The following ZSCAN18 variants were observed in gnomAD, a reference collection of about 807,000 sequenced individuals.
ZSCAN18 encodes the protein zinc finger and SCAN domain-containing protein 18.
In ZSCAN18, 16 loss-of-function variants were observed where a neutral mutation model predicts 31.1. The observed-to-expected ratio is 0.51, with a 90% CI of 0.35 to 0.78. The LOEUF (loss-of-function observed/expected upper bound fraction) is 0.78. Among genes scored for constraint, ZSCAN18 ranks in the 30% least tolerant of loss-of-function variants. The pLI is 0.01. For synonymous variants in ZSCAN18, 375 were observed against 320.7 expected (o/e 1.17, Z -1.81); for missense variants, 731 against 697.4 (o/e 1.05, Z -0.54).
chr19:58,095,578 G>A (rs2074504866), intron 1 of ZSCAN18, among the ~76,000 whole-genome samples: 2 of 152,138 alleles, frequency 1.3e-5, no homozygotes, highest in Non-Finnish European at 1.5e-5. Flanking sequence ...CTCTCCTCCT[G>A]CTCCAACTTC....
upstream of ZSCAN18, among the ~76,000 whole-genome samples, chr19:58,101,916 T>G (rs1053357360): frequency 1.7e-4 from 26 of 152,012 alleles, no homozygotes; most frequent in African/African-American, 6.3e-4. Flanking sequence ...TAATTTCACA[T>G]AACTTTTTTC....
rs796174952 is a variant in ZSCAN18 at position 58,089,172 on chromosome 19, G to A, written c.404-335C>T. 6.7e-5 allele frequency among the ~76,000 whole-genome samples: 10 copies of A among 149,086 alleles called. No homozygotes were observed. In the South Asian group the frequency reaches 1.5e-3, roughly 22 times the overall value. On this transcript the variant is annotated intron_variant, in intron 2 of 6. Coordinates refer to ENST00000601144, the MANE Select transcript of ZSCAN18 (RefSeq NM_001145543.2). ...CAAAAAATTAGCCGGGCGTAGTGGC[G>A]GGCGCCTGTAGTCCCAGCTACTTGG...
intron 5 of ZSCAN18, chr19:58,086,705 G>A: frequency 1.8e-6 from 1 of 562,072 alleles, no homozygotes; most frequent in East Asian, 3.0e-5. Context: ...CCTACAGGCA[G>A]GGCCTGGGCA....
At chr19:58,117,812 G>A (rs2074743835) in intron 1 of ZSCAN18, among the ~76,000 whole-genome samples, 1 of 151,972 alleles carries the variant, frequency 6.6e-6, no homozygotes, top group South Asian at 2.1e-4. Flanking sequence ...TAGAGGAAGA[G>A]AAATGAGCCC....
At position 58,084,993 on chromosome 19, in the gene ZSCAN18, G is replaced by C. The variant is rs1289497381; in HGVS notation, c.1225C>G (p.Arg409Gly). The C allele has an allele frequency of 6.3e-7, 1 of 1,595,858 alleles. No homozygotes were observed. Among genetic ancestry groups the C allele is most frequent in the Admixed American group, 1.7e-5 (1 of 57,732 alleles). Residue 409 changes from arginine to glycine, a missense_variant, in exon 7 of 7, where the codon CGC becomes GGC. Transcript: ENST00000601144. This position sits in a 1 kb window ranked among gnomAD's most constrained non-coding sequence, Gnocchi z 4.5. The part of the protein sequence containing the change: ...GPGADEPGLS[R>G]GKPYACGECG... ...TCGCCGCAGGCATAGGGCTTCCCGC[G>C]GGACAAGCCCGGCTCGTCAGCCCCA...
intron 1 of ZSCAN18, among the ~76,000 whole-genome samples, chr19:58,091,431 A>C (rs372657879): frequency 1.4e-5 from 2 of 140,964 alleles, no homozygotes; most frequent in South Asian, 2.1e-4. Context: ...GCCACTGAAC[A>C]ACCACCCACC....
In ZSCAN18 at chr19:58,088,748, C is replaced by T. The variant is rs1240718445; in HGVS notation, c.493G>A (p.Glu165Lys). The T allele has an allele frequency of 3.1e-6, 5 of 1,608,544 alleles. No homozygotes were observed. The highest frequency in any genetic ancestry group is 2.2e-5 in the East Asian group (1 of 44,852). ...RHMDPLLLPG[E>K]LASPSQALGA... Reference sequence around the variant, plus strand: ...AGGGCCTGGCTGGGGCTCGCGAGCTCGCCTGGTAGCAGCAGAGGGTCCATG... The same window carrying T: ...AGGGCCTGGCTGGGGCTCGCGAGCTTGCCTGGTAGCAGCAGAGGGTCCATG... Residue 165 changes from glutamate to lysine, a missense_variant, in exon 3 of 7, where the codon GAG (glutamate) becomes AAG (lysine). By Grantham distance (56) the Glu-to-Lys change is moderately conservative (BLOSUM62 1). Transcript: ENST00000601144.
chr19:58,088,240 TA>T (rs1189454180), intron 3 of ZSCAN18: 18 of 161,284 alleles, frequency 1.1e-4, no homozygotes, highest in African/African-American at 3.8e-4. Flanking sequence ...GCTGGGCAAC[TA>T]AAGAACCAGA....
chr19:58,098,308 A>T, upstream of ZSCAN18: 1 of 985,436 alleles, frequency 1.0e-6, no homozygotes, highest in Non-Finnish European at 1.2e-6. Flanking sequence ...TGTGCCGCGC[A>T]CCGGGGCGAG....
chr19:58,109,599 T>C (rs2074663226), intron 1 of ZSCAN18, among the ~76,000 whole-genome samples: 1 of 152,076 alleles, frequency 6.6e-6, no homozygotes, highest in Admixed American at 6.6e-5. Context: ...TTAACAAAAG[T>C]GAATAAACTA....
Position 58,089,903 on chromosome 19 carries a change from G to C in ZSCAN18, c.365C>G (p.Ser122Cys). 1.2e-6 allele frequency: 2 copies of C among 1,613,332 alleles called. No homozygotes were observed. Among genetic ancestry groups the C allele is most frequent in the Non-Finnish European group, 8.5e-7 (1 of 1,179,460 alleles). ...QYPESCKKAA[S>C]LVEGLADVLE... ...GACATCAGCGAGGCCCTCCACCAGGGAGGCTGCCTTCTTGCAGCTCTCAGG... is the reference window on the plus strand; with the variant it reads ...GACATCAGCGAGGCCCTCCACCAGGCAGGCTGCCTTCTTGCAGCTCTCAGG... Residue 122 changes from serine (S) to cysteine (C), a missense_variant, in exon 2 of 7, where the codon TCC (serine) becomes TGC (cysteine). Transcript: ENST00000601144.
At chr19:58,094,135 T>C (rs1323205468) in intron 1 of ZSCAN18, among the ~76,000 whole-genome samples, 1 of 151,604 alleles carries the variant, frequency 6.6e-6, no homozygotes, top group Non-Finnish European at 1.5e-5. Context: ...CCCTTGGGAT[T>C]AGAAATACAT....
At position 58,084,465 on chromosome 19, in the gene ZSCAN18, G is replaced by T; in HGVS notation, c.*220C>A. The T allele has an allele frequency of 2.1e-6, 1 of 465,850 alleles. No homozygotes were observed. The highest frequency in any genetic ancestry group is 3.7e-6 in the Non-Finnish European group (1 of 271,674). 28.9% of individuals were successfully genotyped at this position (465,850 alleles called of 1,614,324 possible). On this transcript the variant is annotated 3_prime_UTR_variant, in exon 7 of 7. Transcript: ENST00000601144. This position sits in a 1 kb window ranked among gnomAD's most constrained non-coding sequence, Gnocchi z 4.5. ...CTTCCACATCCGGCGGCTCCCCTCG[G>T]ATGCGAGCGCTGGCCCAGGGTGTGT... is the stretch of plus-strand genomic sequence containing the variant.
chr19:58,086,397 G>T, intron 5 of ZSCAN18, 131 bp from the exon 6 acceptor site: 1 of 732,582 alleles, frequency 1.4e-6, no homozygotes, highest in Non-Finnish European at 2.2e-6. Context: ...CCCCACCAAG[G>T]CCACCTCCCT....
intron 1 of ZSCAN18, chr19:58,097,851 T>C (rs2074550421): frequency 1.2e-6 from 1 of 862,552 alleles, no homozygotes; most frequent in Non-Finnish European, 1.4e-6. Flanking sequence ...CGCCCCTTCC[T>C]GTTCTCCCAC....
chr19:58,117,810 G>A (rs1366946614), intron 1 of ZSCAN18, among the ~76,000 whole-genome samples: 1 of 151,838 alleles, frequency 6.6e-6, no homozygotes, highest in Non-Finnish European at 1.5e-5. Flanking sequence ...GGTAGAGGAA[G>A]AGAAATGAGC....
intron 1 of ZSCAN18, among the ~76,000 whole-genome samples, chr19:58,117,905 A>C (rs2146034558): frequency 6.6e-6 from 1 of 152,150 alleles, no homozygotes; most frequent in East Asian, 1.9e-4. Flanking sequence ...GGAAATTCGG[A>C]GTTGGCACCG....
chr19:58,087,382 CA>C lies in ZSCAN18; in HGVS notation c.575del (p.Leu192ArgfsTer25). 1 of 1,603,708 alleles carries C rather than the reference CA, an allele frequency of 6.2e-7. No homozygotes were observed. Among genetic ancestry groups the C allele is most frequent in the Non-Finnish European group, 8.5e-7 (1 of 1,174,734 alleles). On this transcript the variant is annotated frameshift_variant, in exon 4 of 7. Transcript: ENST00000601144. LOFTEE classifies it high-confidence loss of function. ...CTCTGACCCTCCTCTGTTCCAGAAA[CA>C]GGGGGTCCGGAGAAAGCCAGGCTGG... ...SETPWLSPDP[L>X]FLEQRRVREA...
At chr19:58,094,611 C>T (rs1265201138) in intron 1 of ZSCAN18, among the ~76,000 whole-genome samples, 1 of 151,942 alleles carries the variant, frequency 6.6e-6, no homozygotes, top group East Asian at 1.9e-4. Context: ...GGTGTGGTGG[C>T]TCACACCTGT....
Sources: allele counts gnomAD v4.1 joint callset (sites outside exome capture counted in the v4.1 genomes callset), GRCh38; gene constraint gnomAD v4.1.1; non-coding constraint Gnocchi (gnomAD v3.1); transcripts MANE v1.5; gene names NCBI Gene and HGNC (gene_info 2026-07-23, HGNC 2026-07-21).